The following EPB41L3 variants were observed in gnomAD, a reference collection of about 807,000 sequenced individuals.
EPB41L3 encodes erythrocyte membrane protein band 4.1 like 3, also known as band 4.1-like protein 3.
EPB41L3 carries 57 observed loss-of-function variants against 127.1 expected under a neutral mutation model. The observed-to-expected ratio is 0.45, with a 90% confidence interval of 0.36 to 0.56. EPB41L3 has a LOEUF of 0.56. EPB41L3 is among the 20% of genes least tolerant of loss of function. EPB41L3 has a pLI of 0.00. For synonymous variants in EPB41L3, 572 were observed against 549.5 expected (o/e 1.04, Z -0.57); for missense variants, 1,273 against 1,372.2 (o/e 0.93, Z 1.14).
chr18:5,395,861 T>C (rs903322872), intron 19 of EPB41L3, among the ~76,000 whole-genome samples, 154 bp from the exon 20 acceptor site: 2 of 152,156 alleles, frequency 1.3e-5, no homozygotes, highest in East Asian at 3.9e-4. Flanking sequence ...CAAGAATAAG[T>C]ACTAAGTGCA....
chr18:5,520,104 T>C (rs190664696), intron 1 of EPB41L3, among the ~76,000 whole-genome samples: 295 of 152,262 alleles, frequency 1.9e-3, no homozygotes, highest in Non-Finnish European at 3.8e-3. Context: ...GTTTCAAAGA[T>C]GTCAAATGAG....
chr18:5,530,819 T>G (rs2093387626), intron 1 of EPB41L3, among the ~76,000 whole-genome samples: 1 of 152,076 alleles, frequency 6.6e-6, no homozygotes, highest in Non-Finnish European at 1.5e-5. Flanking sequence ...CAATTCCCCA[T>G]CACAGCACTT....
At chr18:5,438,584 A>G (rs1183497989) in intron 5 of EPB41L3, among the ~76,000 whole-genome samples, 2 of 152,218 alleles carry the variant, frequency 1.3e-5, no homozygotes, top group East Asian at 3.8e-4. Context: ...ACTATTCAAC[A>G]TACGTTTATT....
chr18:5,421,855 C>T (rs986416372), intron 11 of EPB41L3, among the ~76,000 whole-genome samples: 1 of 151,602 alleles, frequency 6.6e-6, no homozygotes, highest in African/African-American at 2.4e-5. Flanking sequence ...GGATAAAAAA[C>T]TACATATTGG....
intron 4 of EPB41L3, 52 bp downstream of exon 4, chr18:5,445,088 C>T (rs1033036383): frequency 5.9e-6 from 8 of 1,355,578 alleles, no homozygotes; most frequent in African/African-American, 4.3e-5. Flanking sequence ...CACTTTCTGG[C>T]AGTAATGAGC....
At chr18:5,550,169 G>A (rs1192361608) in intron 3 of EPB41L3, among the ~76,000 whole-genome samples, 4 of 152,096 alleles carry the variant, frequency 2.6e-5, no homozygotes, top group African/African-American at 9.7e-5. Context: ...CTAATTGCCG[G>A]CAGTTTTAGT....
intron 1 of EPB41L3, among the ~76,000 whole-genome samples, chr18:5,516,193 G>A (rs1405389200): frequency 6.6e-6 from 1 of 152,142 alleles, no homozygotes; most frequent in African/African-American, 2.4e-5. Context: ...TTTCCACTAC[G>A]GATGTGCTCC....
At chr18:5,618,522 T>C (rs2094824152) in intron 1 of EPB41L3, among the ~76,000 whole-genome samples, 1 of 152,204 alleles carries the variant, frequency 6.6e-6, no homozygotes, top group South Asian at 2.1e-4. Flanking sequence ...CCCCACGGGA[T>C]TTCAGTGGAA....
chr18:5,619,079 T>C (rs541541100), intron 1 of EPB41L3, among the ~76,000 whole-genome samples: 4 of 152,308 alleles, frequency 2.6e-5, no homozygotes, highest in Admixed American at 6.5e-5. Context: ...GATTTGTATC[T>C]ACTGAACCCC....
At chr18:5,489,430 T>C (rs188285613) in intron 1 of EPB41L3, 18 of 488,792 alleles carry the variant, frequency 3.7e-5, no homozygotes, top group African/African-American at 3.5e-4. Flanking sequence ...TCTGTAATGA[T>C]CACAGGCTTT....
At chr18:5,609,781 G>C (rs1183998648) in intron 3 of EPB41L3, among the ~76,000 whole-genome samples, 1 of 141,166 alleles carries the variant, frequency 7.1e-6, no homozygotes, top group Non-Finnish European at 1.6e-5. Context: ...AACTGAACAA[G>C]AGTCTTAGAA....
rs529225162 is a variant in EPB41L3 at position 5,625,873 on chromosome 18, C to A, written c.-468+3049G>T. 2.6e-5 allele frequency among the ~76,000 whole-genome samples: 4 copies of A among 152,162 alleles called. No individual in the cohort carries two copies. The South Asian group carries it at 8.3e-4, about 32-fold the overall frequency. Reference sequence around the variant, plus strand: ...CCAAGTTCTTATTCACCCTTGTTTTCCCACCACACAAAGAAATGGTAGCTT... The same window carrying A: ...CCAAGTTCTTATTCACCCTTGTTTTACCACCACACAAAGAAATGGTAGCTT... On this transcript the variant is annotated intron_variant, in intron 1 of 21. Transcript: ENST00000545076.
chr18:5,401,136 C>A (rs568616840), intron 16 of EPB41L3: 1 of 621,252 alleles, frequency 1.6e-6, no homozygotes, highest in South Asian at 2.2e-5. Flanking sequence ...TGTATTATCT[C>A]TATCTATCTA....
chr18:5,608,235 G>A (rs1182918773), intron 3 of EPB41L3, among the ~76,000 whole-genome samples: 1 of 152,148 alleles, frequency 6.6e-6, no homozygotes, highest in Non-Finnish European at 1.5e-5. Flanking sequence ...CAGAAAGTAA[G>A]CCATGACAGT....
chr18:5,487,601 C>T (rs759511672), intron 2 of EPB41L3, among the ~76,000 whole-genome samples: 2 of 150,332 alleles, frequency 1.3e-5, no homozygotes, highest in East Asian at 2.0e-4. Context: ...AAGTGATTCT[C>T]GTGCCTCAGC....
chr18:5,534,416 G>A (rs2093508073), intron 1 of EPB41L3, among the ~76,000 whole-genome samples: 1 of 152,124 alleles, frequency 6.6e-6, no homozygotes, highest in African/African-American at 2.4e-5. Context: ...GTACTTGTCG[G>A]GACATAAGGA....
rs1176103328 is a variant in EPB41L3 at position 5,543,399 on chromosome 18, G to A, written c.-12+514C>T. The A allele has an allele frequency of 6.8e-6, 1 of 147,248 alleles. No individual in the cohort carries two copies. Among genetic ancestry groups the A allele is most frequent in the Non-Finnish European group, 1.5e-5 (1 of 66,224 alleles). The allele number at this position is 147,248 out of a possible 1,614,324, so 9.1% of individuals were successfully genotyped here. A position where few individuals can be genotyped will look rare whatever the true frequency, so the allele number is the denominator to read the frequency against. ...GCGCTGAGCGCAGGGCCCCTCCCGC[G>A]GCCCGCCAGCCGCCACCCGCCCGGG... On this transcript the variant is annotated intron_variant, in intron 1 of 22. Coordinates refer to ENST00000341928, the MANE Select transcript of EPB41L3 (RefSeq NM_012307.5). This position sits in a 1 kb window ranked among gnomAD's most constrained non-coding sequence, Gnocchi z 5.2.
intron 3 of EPB41L3, among the ~76,000 whole-genome samples, chr18:5,562,030 C>T (rs893895217): frequency 6.6e-6 from 1 of 152,100 alleles, no homozygotes; most frequent in African/African-American, 2.4e-5. Flanking sequence ...GATGGGAGAC[C>T]AAGGAGATCC....
At chr18:5,516,054 G>A (rs554940961) in intron 1 of EPB41L3, among the ~76,000 whole-genome samples, 20 of 152,292 alleles carry the variant, frequency 1.3e-4, no homozygotes, top group South Asian at 4.1e-4. Flanking sequence ...GCTGATAGCC[G>A]ATGTGGAGTC....
Sources: allele counts gnomAD v4.1 joint callset (sites outside exome capture counted in the v4.1 genomes callset), GRCh38; gene constraint gnomAD v4.1.1; non-coding constraint Gnocchi (gnomAD v3.1); transcripts MANE v1.5; gene names NCBI Gene and HGNC (gene_info 2026-07-23, HGNC 2026-07-21).